The following SRP72 variants were observed in gnomAD, a reference collection of about 807,000 sequenced individuals.
The protein encoded by SRP72 is signal recognition particle 72, also known as signal recognition particle subunit SRP72.
SRP72 carries 49 observed loss-of-function variants against 96.3 expected under a neutral mutation model. That is an observed-to-expected ratio of 0.51 (90% confidence interval 0.40 to 0.65). The LOEUF (loss-of-function observed/expected upper bound fraction) is 0.65, where lower values mean the gene tolerates loss of function less well. SRP72 is among the 30% of genes least tolerant of loss of function. The probability of loss-of-function intolerance (pLI) is 0.00; values close to 1 mark genes in which losing one functional copy is unlikely to be tolerated. For missense variants in SRP72, 736 were observed against 793.3 expected (o/e 0.93, Z 0.87); for synonymous variants, 267 against 275.2 (o/e 0.97, Z 0.30).
chr4:56,476,654 C>T lies in SRP72; in HGVS notation c.611-17C>T, dbSNP rs1720233299. ...TTACCCAGCAATACTACTTTTAAAA[C>T]AATTTTTCTCCTGTAGATCTTTGCC... On this transcript the variant is annotated splice_polypyrimidine_tract_variant and intron_variant, in intron 5 of 18. Coordinates refer to ENST00000642900, the MANE Select transcript of SRP72 (RefSeq NM_006947.4). 3.1e-6 allele frequency: 5 copies of T among 1,611,710 alleles called. No homozygotes were observed. The East Asian group carries it at 1.1e-4, about 36-fold the overall frequency.
At chr4:56,491,024 G>A (rs569582099) in intron 15 of SRP72, among the ~76,000 whole-genome samples, 13 of 152,128 alleles carry the variant, frequency 8.5e-5, no homozygotes, top group African/African-American at 2.7e-4. Context: ...CCTGATAAGC[G>A]AATTTGGTGC....
intron 6 of SRP72, chr4:56,477,010 T>C (rs1720252551): frequency 3.8e-6 from 1 of 262,852 alleles, no homozygotes; most frequent in Non-Finnish European, 7.0e-6. Flanking sequence ...GAGTTCCATG[T>C]ATATTTCTTA....
rs1248911930 is a variant in SRP72 at position 56,471,857 on chromosome 4, T to C, written c.354+14T>C. 6.2e-7 allele frequency: 1 copy of C among 1,613,406 alleles called. No individual in the cohort carries two copies. Among genetic ancestry groups the C allele is most frequent in the Non-Finnish European group, 8.5e-7 (1 of 1,179,672 alleles). ...TATGGACAAGTGGTAATTACTGCTT[T>C]TAAATACATGTTGACAGTGATACTG... On this transcript the variant is annotated intron_variant, in intron 3 of 18. Transcript: ENST00000642900.
At chr4:56,471,676 A>G in intron 2 of SRP72, 44 bp from the exon 3 acceptor site, 1 of 1,603,182 alleles carries the variant, frequency 6.2e-7, no homozygotes, top group Non-Finnish European at 8.5e-7. Context: ...GGTGCATTGC[A>G]TTGTTAGATA....
chr4:56,473,210 C>T (rs780393133), intron 3 of SRP72, among the ~76,000 whole-genome samples: 6 of 151,930 alleles, frequency 3.9e-5, no homozygotes, highest in Admixed American at 2.0e-4. Flanking sequence ...AATCACTTTT[C>T]GCACTTGGGG....
intron 1 of SRP72, among the ~76,000 whole-genome samples, chr4:56,468,134 A>G (rs531246064): frequency 9.9e-5 from 15 of 152,128 alleles, no homozygotes; most frequent in African/African-American, 3.6e-4. Flanking sequence ...AGTGATCAGG[A>G]CTCTATTGCT....
chr4:56,495,181 C>T (rs1721033965), intron 16 of SRP72, 176 bp from the exon 17 acceptor site: 1 of 403,254 alleles, frequency 2.5e-6, no homozygotes, highest in Non-Finnish European at 4.5e-6. Context: ...GTATCTGAAG[C>T]TTAATTGACT....
intron 17 of SRP72, among the ~76,000 whole-genome samples, chr4:56,496,696 T>G (rs974430240): frequency 7.2e-5 from 11 of 152,248 alleles, no homozygotes; most frequent in African/African-American, 4.8e-5. Context: ...TGCCCAAAAT[T>G]CATGCTCCCG....
chr4:56,470,877 G>C (rs1044156993), intron 2 of SRP72, among the ~76,000 whole-genome samples: 2 of 149,982 alleles, frequency 1.3e-5, no homozygotes, highest in East Asian at 2.0e-4. Flanking sequence ...GCCCAGGCTG[G>C]TGGAACCTCC....
chr4:56,474,772 C>T (rs1393016652), intron 5 of SRP72, among the ~76,000 whole-genome samples: 1 of 152,044 alleles, frequency 6.6e-6, no homozygotes, highest in Non-Finnish European at 1.5e-5. Flanking sequence ...TCACCCTCCG[C>T]CTCCCAGGTT....
In SRP72 at chr4:56,472,414, C is replaced by T. The variant is rs867986454; in HGVS notation, c.354+571C>T. ...AGGCTGGAGTGCAGTGGCACTATCT[C>T]GGCTCACTGCAGCCTCTGACTCCCA... On this transcript the variant is annotated intron_variant, in intron 3 of 18. Transcript: ENST00000642900. 1.3e-4 allele frequency among the ~76,000 whole-genome samples: 20 copies of T among 148,322 alleles called. 1 individual carries two copies. The highest frequency in any genetic ancestry group is 3.5e-3 in the Middle Eastern group (1 of 288).
chr4:56,472,938 T>C (rs1169693673), intron 3 of SRP72, among the ~76,000 whole-genome samples: 1 of 152,204 alleles, frequency 6.6e-6, no homozygotes, highest in Non-Finnish European at 1.5e-5. Context: ...GTAGGAATTC[T>C]ATTGTGTCTG....
At chr4:56,491,597 A>C (rs370469549) in intron 16 of SRP72, 29 bp downstream of exon 16, 1 of 1,594,058 alleles carries the variant, frequency 6.3e-7, no homozygotes, top group Non-Finnish European at 8.6e-7. Flanking sequence ...ACGTTCTCTA[A>C]TGCTGATTTT....
Position 56,483,116 on chromosome 4 carries a change from A to G in SRP72, c.826-23A>G, listed in dbSNP as rs7700034. On this transcript the variant is annotated intron_variant, in intron 8 of 18. Transcript: ENST00000642900. ...GTTGAAATCTGAGATTCTGTTAATGATAGATAAACTTTTCTTTGTTAGGAC... is the reference window on the plus strand; with the variant it reads ...GTTGAAATCTGAGATTCTGTTAATGGTAGATAAACTTTTCTTTGTTAGGAC... The G allele has an allele frequency of 0.33, 533,383 of 1,594,948 alleles. 97,427 individuals carry two copies. Among genetic ancestry groups the G allele is most frequent in the East Asian group, 0.65 (29,075 of 44,542 alleles).
chr4:56,500,799 G>T, intron 18 of SRP72, 104 bp downstream of exon 18: 3 of 1,145,712 alleles, frequency 2.6e-6, no homozygotes, highest in Non-Finnish European at 3.6e-6. Context: ...TGAGAAATGT[G>T]ATGTATCTTT....
intron 8 of SRP72, among the ~76,000 whole-genome samples, chr4:56,480,971 GA>G (rs1720460041): frequency 6.6e-6 from 1 of 152,212 alleles, no homozygotes; most frequent in Admixed American, 6.5e-5. Flanking sequence ...TGAGAACACA[GA>G]AGAGGGTATG....
At chr4:56,492,102 G>T (rs763221538) in intron 16 of SRP72, among the ~76,000 whole-genome samples, 1 of 152,196 alleles carries the variant, frequency 6.6e-6, no homozygotes, top group Non-Finnish European at 1.5e-5. Context: ...GCCTCCCAAA[G>T]TGCTGGGCAC....
intron 1 of SRP72, among the ~76,000 whole-genome samples, chr4:56,468,754 G>C (rs1432015883): frequency 1.3e-5 from 2 of 152,170 alleles, no homozygotes; most frequent in Non-Finnish European, 1.5e-5. Flanking sequence ...AGAATTATTT[G>C]ATCCCTAAAT....
intron 11 of SRP72, among the ~76,000 whole-genome samples, chr4:56,486,674 T>G (rs1167483233): frequency 6.6e-6 from 1 of 152,186 alleles, no homozygotes; most frequent in African/African-American, 2.4e-5. Context: ...AGACCATACA[T>G]ACTACTCAAA....
Sources: allele counts gnomAD v4.1 joint callset (sites outside exome capture counted in the v4.1 genomes callset), GRCh38; gene constraint gnomAD v4.1.1; transcripts MANE v1.5; gene names NCBI Gene and HGNC (gene_info 2026-07-23, HGNC 2026-07-21).